Variants in EMSY observed in about 807,000 individuals in gnomAD.
EMSY encodes BRCA2-interacting transcriptional repressor EMSY.
A neutral mutation model predicts 134.6 loss-of-function variants in EMSY; 26 were observed. The ratio of observed to expected loss-of-function variants is 0.19; its 90% CI spans 0.14 to 0.27. The LOEUF is 0.27. EMSY is among the 10% of genes least tolerant of loss of function. The pLI, the probability that EMSY is intolerant of heterozygous loss-of-function variation, is 1.00. For synonymous variants in EMSY, 579 were observed against 577.8 expected (o/e 1.00, Z -0.03); for missense variants, 1,305 against 1,611.4 (o/e 0.81, Z 3.26).
intron 5 of EMSY, chr11:76,459,698 G>A (rs891802822): frequency 5.6e-5 from 24 of 431,512 alleles, no homozygotes; most frequent in Non-Finnish European, 8.7e-5. Flanking sequence ...GTTTTTCTCC[G>A]TCAGCAATGT....
At position 76,495,669 on chromosome 11, in the gene EMSY, CTT is replaced by C. The variant is rs1949623765; in HGVS notation, c.1109-542_1109-541del. Among the ~76,000 whole-genome samples, 3 of 152,034 alleles carry C rather than the reference CTT, an allele frequency of 2.0e-5. No homozygotes were observed. In the South Asian group the frequency reaches 6.2e-4, roughly 31 times the overall value. On this transcript the variant is annotated intron_variant, in intron 8 of 20. Transcript: ENST00000334736. ...ATGATTCAGAGTTCTTAGGAAATGA[CTT>C]TTTCTGTTTTTATTAAAATTTTTTT...
intron 14 of EMSY, among the ~76,000 whole-genome samples, chr11:76,529,832 A>G (rs570887116): frequency 6.6e-6 from 1 of 152,306 alleles, no homozygotes; most frequent in Admixed American, 6.5e-5. Context: ...GTTTGCTAAG[A>G]TGGACTTTAT....
chr11:76,541,580 C>G (rs1951442209), intron 17 of EMSY, among the ~76,000 whole-genome samples: 1 of 152,142 alleles, frequency 6.6e-6, no homozygotes, highest in Non-Finnish European at 1.5e-5. Flanking sequence ...GATGAGTGAC[C>G]TCTTCAAATT....
At chr11:76,543,136 G>C (rs1951508815) in intron 18 of EMSY, among the ~76,000 whole-genome samples, 1 of 152,114 alleles carries the variant, frequency 6.6e-6, no homozygotes, top group Admixed American at 6.5e-5. Flanking sequence ...AAAGTGAACT[G>C]CCTCTGTTAA....
At chr11:76,473,987 G>A (rs1042809195) in intron 8 of EMSY, among the ~76,000 whole-genome samples, 1 of 151,700 alleles carries the variant, frequency 6.6e-6, no homozygotes, top group Non-Finnish European at 1.5e-5. Context: ...AAAATTAGCC[G>A]GGCATGGTAG....
chr11:76,517,945 C>T (rs1206889635), intron 11 of EMSY, among the ~76,000 whole-genome samples: 1 of 152,036 alleles, frequency 6.6e-6, no homozygotes, highest in Non-Finnish European at 1.5e-5. Flanking sequence ...TAAACTGATC[C>T]TTATGTTACA....
In EMSY at chr11:76,496,935, AAG is replaced by A. The variant is rs1379130979; in HGVS notation, c.1363+469_1363+470del. On this transcript the variant is annotated intron_variant, in intron 9 of 20. Transcript: ENST00000334736. ...ACTTCCAATACTATGCTGAATGAAT[AAG>A]AGTGAGGAAAGTGGACATCCTTGCT... 2 of 237,042 alleles carry A rather than the reference AAG, an allele frequency of 8.4e-6. 1 individual carries two copies. Among genetic ancestry groups the A allele is most frequent in the Non-Finnish European group, 1.6e-5 (2 of 121,838 alleles). 14.7% of individuals were successfully genotyped at this position (237,042 alleles called of 1,614,324 possible). A position where few individuals can be genotyped will look rare whatever the true frequency, so the allele number is the denominator to read the frequency against.
intron 11 of EMSY, among the ~76,000 whole-genome samples, chr11:76,517,774 A>G (rs1036007246): frequency 6.6e-6 from 1 of 152,216 alleles, no homozygotes; most frequent in African/African-American, 2.4e-5. Flanking sequence ...CTTCAAGTGC[A>G]TGAGTGTACA....
chr11:76,445,972 G>T (rs1264765003), intron 1 of EMSY, among the ~76,000 whole-genome samples: 1 of 152,178 alleles, frequency 6.6e-6, no homozygotes, highest in Non-Finnish European at 1.5e-5. Flanking sequence ...CAGAGTTGGA[G>T]TTAGCAGCCC....
intron 12 of EMSY, 114 bp from the exon 14 acceptor site, chr11:76,526,348 T>A (rs774345338): frequency 4.8e-4 from 314 of 660,474 alleles, no homozygotes; most frequent in Non-Finnish European, 6.8e-4. Context: ...CTTTGTTACA[T>A]AATCTACAGC....
chr11:76,468,529 G>C (rs1948449829), intron 7 of EMSY, among the ~76,000 whole-genome samples: 1 of 152,082 alleles, frequency 6.6e-6, no homozygotes, highest in Non-Finnish European at 1.5e-5. Flanking sequence ...TCTTTTGCTT[G>C]GGTAATTGGA....
intron 8 of EMSY, among the ~76,000 whole-genome samples, chr11:76,480,676 C>T (rs558831575): frequency 1.3e-5 from 2 of 152,284 alleles, no homozygotes; most frequent in South Asian, 4.1e-4. Context: ...GCGAGATCAA[C>T]ACAGAAGGCA....
At chr11:76,485,090 T>C (rs772885263) in intron 8 of EMSY, among the ~76,000 whole-genome samples, 1 of 152,098 alleles carries the variant, frequency 6.6e-6, no homozygotes, top group Non-Finnish European at 1.5e-5. Context: ...CGGGACCAGA[T>C]GGATTCACAG....
chr11:76,462,058 G>A (rs183707780), intron 6 of EMSY, among the ~76,000 whole-genome samples: 96 of 151,894 alleles, frequency 6.3e-4, no homozygotes, highest in Admixed American at 2.3e-3. Flanking sequence ...CAAACATGGT[G>A]AAACCTCATC....
chr11:76,504,177 C>T (rs1949987172), intron 9 of EMSY, among the ~76,000 whole-genome samples: 1 of 151,870 alleles, frequency 6.6e-6, no homozygotes, highest in Non-Finnish European at 1.5e-5. Flanking sequence ...TCCGAAGCAA[C>T]TGTACCATTT....
At chr11:76,495,245 A>G (rs1182749139) in intron 8 of EMSY, among the ~76,000 whole-genome samples, 1 of 152,246 alleles carries the variant, frequency 6.6e-6, no homozygotes, top group East Asian at 1.9e-4. Flanking sequence ...TCTGTAATAC[A>G]GTGTATTTGT....
At chr11:76,458,264 A>G in exon 5 of EMSY, 2 of 1,614,084 alleles carry the variant, frequency 1.2e-6, no homozygotes, top group Non-Finnish European at 8.5e-7. Flanking sequence ...TCGTTCCCCA[A>G]ACCGCCTTTA....
chr11:76,523,394 A>C, intron 12 of EMSY, 103 bp downstream of exon 13: 4 of 1,335,530 alleles, frequency 3.0e-6, no homozygotes, highest in South Asian at 1.5e-5. Context: ...AATAGCCAGA[A>C]TGGCTTGGTT....
intron 8 of EMSY, among the ~76,000 whole-genome samples, chr11:76,489,725 C>T (rs1949343304): frequency 6.6e-6 from 1 of 152,002 alleles, no homozygotes. Context: ...CTGCCTCAGC[C>T]TCCTGAGTAG....
Sources: gnomAD v4.1 joint callset for allele counts (sites outside exome capture counted in the v4.1 genomes callset) on GRCh38, gnomAD v4.1.1 for gene constraint, MANE v1.5 for transcripts, NCBI Gene and HGNC (gene_info 2026-07-23, HGNC 2026-07-21) for gene names.